STK3: variants seen among roughly 807,000 people sequenced by gnomAD.
STK3 encodes serine/threonine kinase 3.
In STK3, 41 loss-of-function variants were observed where a neutral mutation model predicts 58.0. That is an observed-to-expected ratio of 0.71 (90% CI 0.55 to 0.92). The LOEUF is 0.92. STK3 is among the 40% of genes least tolerant of loss of function. STK3 has a pLI of 0.00. For missense variants in STK3, 479 were observed against 602.7 expected, an observed-to-expected ratio of 0.79 and a Z score of 2.15; for synonymous variants, 170 against 191.0, an observed-to-expected ratio of 0.89 and a Z score of 0.91.
intron 4 of STK3, among the ~76,000 whole-genome samples, chr8:98,722,592 T>C (rs1377495987): frequency 3.3e-5 from 5 of 152,076 alleles, no homozygotes; most frequent in Non-Finnish European, 5.9e-5. Flanking sequence ...TTTTCCTAGA[T>C]AGATGGAGTT....
chr8:98,629,213 T>C (rs940025670), intron 6 of STK3, among the ~76,000 whole-genome samples: 5 of 152,180 alleles, frequency 3.3e-5, no homozygotes, highest in African/African-American at 9.7e-5. Context: ...CCCATCACCC[T>C]AGACACAGAA....
the STK3 span, among the ~76,000 whole-genome samples, chr8:98,350,279 C>T: frequency 6.6e-6 from 1 of 152,178 alleles, no homozygotes; most frequent in Non-Finnish European, 1.5e-5. Flanking sequence ...CACCTTTGCT[C>T]CAGTTCCCAA....
intron 3 of STK3, among the ~76,000 whole-genome samples, chr8:98,765,584 A>C (rs1384390191): frequency 1.3e-5 from 2 of 152,192 alleles, no homozygotes; most frequent in Non-Finnish European, 2.9e-5. Flanking sequence ...CTGAAGTTGA[A>C]GGTTTCTGGG....
At chr8:98,704,712 A>G (rs1825852727) in intron 6 of STK3, among the ~76,000 whole-genome samples, 1 of 152,226 alleles carries the variant, frequency 6.6e-6, no homozygotes, top group Admixed American at 6.5e-5. Context: ...GAAGATCCTT[A>G]AAGGAAGAGG....
rs1010197293 is a variant in STK3 at position 98,490,571 on chromosome 8, C to G, written c.1318-34571G>C. ...TCCCAACCCCCAATCCCTAACTATA[C>G]TGTAAGTTCCTTGAAGGCAAAAACT... On this transcript the variant is annotated intron_variant, in intron 10 of 10. Coordinates refer to ENST00000419617, the MANE Select transcript of STK3 (RefSeq NM_006281.4). Among the ~76,000 whole-genome samples the G allele has an allele frequency of 4.6e-5, 7 of 152,308 alleles. No individual in the cohort carries two copies. In the South Asian group the frequency reaches 1.2e-3, roughly 27 times the overall value.
the STK3 span, among the ~76,000 whole-genome samples, chr8:98,349,871 C>G: frequency 7.1e-3 from 1,076 of 152,138 alleles, 9 homozygotes; most frequent in African/African-American, 0.024. Context: ...ACCCATGAAA[C>G]CATTTTTTTC....
At chr8:98,349,981 C>T in the STK3 span, among the ~76,000 whole-genome samples, 5 of 152,128 alleles carry the variant, frequency 3.3e-5, no homozygotes, top group South Asian at 1.0e-3. Flanking sequence ...ACATTTGATT[C>T]CATGTTACTT....
rs547146691 is a variant in STK3 at position 98,707,435 on chromosome 8, CT to C, written c.352-125del. ...GTGTGTTTTTTTTTAAGAGACCCCACTCTGTTGCCCAGGCTACAGTGCAGTG... is the reference window on the plus strand; with the variant it reads ...GTGTGTTTTTTTTTAAGAGACCCCACCTGTTGCCCAGGCTACAGTGCAGTG... On this transcript the variant is annotated intron_variant, in intron 4 of 10. Coordinates refer to ENST00000419617, the MANE Select transcript of STK3 (RefSeq NM_006281.4). The C allele has an allele frequency of 6.0e-5, 43 of 716,396 alleles. No homozygotes were observed. In the South Asian group the frequency reaches 7.2e-4, roughly 12 times the overall value. 44.4% of individuals were successfully genotyped at this position (716,396 alleles called of 1,614,324 possible).
intron 2 of STK3, 48 bp downstream of exon 2, chr8:98,774,691 T>C (rs766750774): frequency 7.6e-7 from 1 of 1,310,818 alleles, no homozygotes; most frequent in South Asian, 1.4e-5. Context: ...TAATATTTTT[T>C]AAATTGTTCT....
chr8:98,404,745 G>T (rs553726595), intron 3 of STK3, among the ~76,000 whole-genome samples: 8 of 151,562 alleles, frequency 5.3e-5, no homozygotes, highest in Middle Eastern at 3.4e-3. Context: ...CAGCTACTTG[G>T]AAGGCTGAGG....
chr8:98,601,941 A>G (rs1256688706), intron 6 of STK3, among the ~76,000 whole-genome samples: 2 of 152,240 alleles, frequency 1.3e-5, no homozygotes, highest in African/African-American at 4.8e-5. Flanking sequence ...ACTTAGTATC[A>G]GCCATAAAAG....
chr8:98,550,548 T>C (rs1002371823), intron 8 of STK3, among the ~76,000 whole-genome samples: 4 of 152,166 alleles, frequency 2.6e-5, no homozygotes, highest in Non-Finnish European at 5.9e-5. Flanking sequence ...ATTTATTTTC[T>C]CTTTCATTCC....
intron 3 of STK3, among the ~76,000 whole-genome samples, chr8:98,857,377 T>TTTAAACTTCTGTAAGAGTTAC (rs1836721604): frequency 6.6e-6 from 1 of 152,088 alleles, no homozygotes; most frequent in African/African-American, 2.4e-5. Flanking sequence ...TTAATGAAGG[T>TTTAAACTTCTGTAAGAGTTAC]TAAAGGAGCA....
At chr8:98,497,357 T>G (rs748163162) in intron 10 of STK3, among the ~76,000 whole-genome samples, 1 of 152,080 alleles carries the variant, frequency 6.6e-6, no homozygotes, top group Non-Finnish European at 1.5e-5. Flanking sequence ...GACGAACATG[T>G]AAGTGTAAAG....
chr8:98,717,174 T>C (rs1399025367), intron 4 of STK3, among the ~76,000 whole-genome samples: 1 of 150,874 alleles, frequency 6.6e-6, no homozygotes, highest in African/African-American at 2.4e-5. Context: ...ACAGACAAAT[T>C]GGACTTCATG....
intron 7 of STK3, among the ~76,000 whole-genome samples, chr8:98,592,991 T>C (rs1347127892): frequency 6.6e-6 from 1 of 152,086 alleles, no homozygotes; most frequent in Admixed American, 6.5e-5. Flanking sequence ...CTTGAACTCC[T>C]GATCTCAAGT....
At chr8:98,610,153 C>T (rs1490773825) in intron 6 of STK3, among the ~76,000 whole-genome samples, 1 of 150,538 alleles carries the variant, frequency 6.6e-6, no homozygotes. Flanking sequence ...ATACCCCCAT[C>T]CAAAGGAACT....
the STK3 span, among the ~76,000 whole-genome samples, chr8:98,363,925 G>A: frequency 6.6e-6 from 1 of 152,214 alleles, no homozygotes; most frequent in Non-Finnish European, 1.5e-5. Flanking sequence ...AGAGTGCCAG[G>A]CAGGATGGGA....
chr8:98,491,734 G>A (rs1317949903), intron 10 of STK3, among the ~76,000 whole-genome samples: 1 of 152,144 alleles, frequency 6.6e-6, no homozygotes, highest in East Asian at 1.9e-4. Context: ...AGGTCAAACA[G>A]CATCTTAAAA....
Sources: gnomAD v4.1 joint callset for allele counts (sites outside exome capture counted in the v4.1 genomes callset) on GRCh38, gnomAD v4.1.1 for gene constraint, MANE v1.5 for transcripts, NCBI Gene and HGNC (gene_info 2026-07-23, HGNC 2026-07-21) for gene names.